The following AGBL4 variants were observed in gnomAD, a reference collection of about 807,000 sequenced individuals.
AGBL4 encodes AGBL carboxypeptidase 4.
AGBL4 carries 58 observed loss-of-function variants against 66.4 expected under a neutral mutation model. The observed-to-expected ratio is 0.87, with a 90% confidence interval of 0.71 to 1.09. The LOEUF (loss-of-function observed/expected upper bound fraction) is 1.09, where lower values mean the gene tolerates loss of function less well. Among genes scored for constraint, AGBL4 ranks in the 50% least tolerant of loss-of-function variants. The pLI is 0.00. For synonymous variants in AGBL4, 234 were observed against 222.9 expected, an observed-to-expected ratio of 1.05 and a Z score of -0.44; for missense variants, 579 against 631.0, an observed-to-expected ratio of 0.92 and a Z score of 0.88.
In AGBL4 at chr1:49,465,978, C is replaced by G. The variant is rs1251372526; in HGVS notation, c.283-220114G>C. Among the ~76,000 whole-genome samples the G allele has an allele frequency of 1.3e-5, 2 of 151,832 alleles. 1 individual carries two copies. The highest frequency in any genetic ancestry group is 2.9e-5 in the Non-Finnish European group (2 of 67,872). On this transcript the variant is annotated intron_variant, in intron 3 of 13. Transcript: ENST00000371839. ...AGTCTTGAGATGATTCCCAATGACT[C>G]ATTTTATTGCTTCAGAACTATATAC...
At chr1:49,381,322 C>T (rs1019794090) in intron 3 of AGBL4, among the ~76,000 whole-genome samples, 80 of 152,244 alleles carry the variant, frequency 5.3e-4, no homozygotes, top group African/African-American at 1.5e-3. Flanking sequence ...GTTAGAATGG[C>T]GATCACTAAA....
intron 1 of AGBL4, among the ~76,000 whole-genome samples, chr1:50,002,920 A>G (rs1423193537): frequency 6.6e-6 from 1 of 152,224 alleles, no homozygotes; most frequent in South Asian, 2.1e-4. Flanking sequence ...TAAAGTAAAA[A>G]TAACAGAAGT....
chr1:49,855,229 A>G (rs185114516), intron 1 of AGBL4, among the ~76,000 whole-genome samples: 1 of 152,330 alleles, frequency 6.6e-6, no homozygotes, highest in African/African-American at 2.4e-5. Context: ...AAATATATAT[A>G]TATGCCCCCA....
chr1:48,816,043 TTTTGTGTG>T (rs1646164751), intron 6 of AGBL4, among the ~76,000 whole-genome samples: 1 of 101,060 alleles, frequency 9.9e-6, no homozygotes, highest in Non-Finnish European at 2.0e-5. Context: ...TGAGGAACTG[TTTTGTGTG>T]TGTGTGTGTG....
intron 2 of AGBL4, chr1:49,842,295 A>G: frequency 2.1e-6 from 1 of 477,746 alleles, no homozygotes; most frequent in Non-Finnish European, 4.0e-6. Context: ...TCTGTAGGAC[A>G]TTGGTTACCA....
chr1:49,948,026 A>AT (rs1655490870), intron 1 of AGBL4, among the ~76,000 whole-genome samples: 20 of 58,922 alleles, frequency 3.4e-4, no homozygotes, highest in African/African-American at 2.3e-3. Flanking sequence ...AAATATATAT[A>AT]AATATATATA....
At chr1:48,563,671 G>T (rs1312149053) in intron 11 of AGBL4, among the ~76,000 whole-genome samples, 1 of 151,484 alleles carries the variant, frequency 6.6e-6, no homozygotes, top group East Asian at 1.9e-4. Flanking sequence ...CAGACAATCA[G>T]GTAGGTACAT....
At chr1:49,580,608 G>A (rs1187827449) in intron 3 of AGBL4, among the ~76,000 whole-genome samples, 1 of 152,138 alleles carries the variant, frequency 6.6e-6, no homozygotes, top group African/African-American at 2.4e-5. Flanking sequence ...CTCAGCATTT[G>A]CTTGTCTGGG....
intron 3 of AGBL4, among the ~76,000 whole-genome samples, chr1:49,347,586 G>A (rs750519420): frequency 2.0e-5 from 3 of 152,004 alleles, no homozygotes; most frequent in African/African-American, 4.8e-5. Context: ...TCAGCTGGGC[G>A]TGGAGGCTCA....
chr1:49,939,672 C>A (rs1433387204), intron 1 of AGBL4, among the ~76,000 whole-genome samples: 1 of 152,118 alleles, frequency 6.6e-6, no homozygotes, highest in Non-Finnish European at 1.5e-5. Flanking sequence ...GAAATTGGAT[C>A]CCTTCCTTAC....
chr1:49,364,127 C>G (rs1644196166), intron 3 of AGBL4, among the ~76,000 whole-genome samples: 1 of 152,128 alleles, frequency 6.6e-6, no homozygotes, highest in Non-Finnish European at 1.5e-5. Flanking sequence ...GATGATAAGG[C>G]CGTTTGGGAA....
rs192742936 is a variant in AGBL4 at position 49,654,313 on chromosome 1, T to C, written c.282+43000A>G. 9.8e-5 allele frequency among the ~76,000 whole-genome samples: 15 copies of C among 152,350 alleles called. No individual in the cohort carries two copies. The East Asian group carries it at 2.7e-3, about 27-fold the overall frequency. ...ACAGTTTGTTATAATTTCTGTTCTTTTACATTTGCTGAGGAGTGCTTTATT... is the reference window on the plus strand; with the variant it reads ...ACAGTTTGTTATAATTTCTGTTCTTCTACATTTGCTGAGGAGTGCTTTATT... On this transcript the variant is annotated intron_variant, in intron 3 of 13. Transcript: ENST00000371839.
chr1:49,232,278 C>G (rs1650374505), intron 4 of AGBL4, among the ~76,000 whole-genome samples: 2 of 152,124 alleles, frequency 1.3e-5, no homozygotes. Flanking sequence ...GAAACTTGAT[C>G]AGACCCACAT....
chr1:49,528,257 G>A (rs1558023673), intron 3 of AGBL4, among the ~76,000 whole-genome samples: 1 of 152,010 alleles, frequency 6.6e-6, no homozygotes, highest in Non-Finnish European at 1.5e-5. Flanking sequence ...AACAAAGAGT[G>A]TCCAATAAGT....
At chr1:49,149,781 T>C (rs192489316) in intron 4 of AGBL4, among the ~76,000 whole-genome samples, 15 of 152,328 alleles carry the variant, frequency 9.8e-5, no homozygotes, top group African/African-American at 3.4e-4. Flanking sequence ...AGACCTATAT[T>C]GTTTCATTAC....
intron 1 of AGBL4, among the ~76,000 whole-genome samples, chr1:49,955,465 C>T (rs1656516900): frequency 6.6e-6 from 1 of 151,876 alleles, no homozygotes; most frequent in Non-Finnish European, 1.5e-5. Flanking sequence ...TACAAATATG[C>T]CTAGATAATT....
At chr1:49,070,650 A>AT (rs1644583930) in intron 4 of AGBL4, among the ~76,000 whole-genome samples, 1 of 151,750 alleles carries the variant, frequency 6.6e-6, no homozygotes, top group South Asian at 2.1e-4. Flanking sequence ...TTTATTGAGG[A>AT]TTTTCACATC....
intron 1 of AGBL4, among the ~76,000 whole-genome samples, chr1:49,935,976 C>G (rs114578032): frequency 2.6e-5 from 4 of 152,148 alleles, no homozygotes; most frequent in African/African-American, 9.7e-5. Context: ...AATGGAACAA[C>G]GCTGGAGGGA....
At chr1:48,678,755 C>T (rs1426123852) in intron 6 of AGBL4, among the ~76,000 whole-genome samples, 1 of 152,208 alleles carries the variant, frequency 6.6e-6, no homozygotes, top group Non-Finnish European at 1.5e-5. Context: ...AGGCCATTCT[C>T]CAGTTCCTGA....
Sources: gnomAD v4.1 joint callset for allele counts (sites outside exome capture counted in the v4.1 genomes callset) on GRCh38, gnomAD v4.1.1 for gene constraint, MANE v1.5 for transcripts, NCBI Gene and HGNC (gene_info 2026-07-23, HGNC 2026-07-21) for gene names.